GALNT13: variants seen among roughly 807,000 people sequenced by gnomAD.
GALNT13 encodes the protein UDP-GalNAc:polypeptide N-acetylgalactosaminyltransferase 13.
Under a neutral mutation model 64.2 loss-of-function variants are expected in GALNT13, and 28 were observed. The observed-to-expected ratio is 0.44, with a 90% CI of 0.32 to 0.60. The LOEUF is 0.60. Among genes scored for constraint, GALNT13 ranks in the 20% least tolerant of loss-of-function variants. The pLI is 0.05. For missense variants in GALNT13, 577 were observed against 669.8 expected (o/e 0.86, Z 1.53); for synonymous variants, 214 against 224.6 (o/e 0.95, Z 0.42).
chr2:153,137,951 C>T, the GALNT13 span, among the ~76,000 whole-genome samples: 1 of 152,042 alleles, frequency 6.6e-6, no homozygotes, highest in African/African-American at 2.4e-5. Flanking sequence ...CCAATGCGTA[C>T]TTCATGTACT....
At chr2:154,090,331 A>G (rs1292121365) in intron 3 of GALNT13, among the ~76,000 whole-genome samples, 1 of 152,108 alleles carries the variant, frequency 6.6e-6, no homozygotes, top group Admixed American at 6.6e-5. Context: ...CTCAATTTCT[A>G]TTTTATGAAA....
At chr2:153,306,448 T>C in the GALNT13 span, among the ~76,000 whole-genome samples, 1 of 152,218 alleles carries the variant, frequency 6.6e-6, no homozygotes, top group African/African-American at 2.4e-5. Flanking sequence ...ACAACTAGCA[T>C]CGAATTTCCA....
At chr2:154,050,327 TAAAGTGGAA>T (rs1204070342) in intron 3 of GALNT13, among the ~76,000 whole-genome samples, 2 of 152,196 alleles carry the variant, frequency 1.3e-5, no homozygotes, top group African/African-American at 4.8e-5. Flanking sequence ...AGTGAAGCAA[TAAAGTGGAA>T]ATGGTACTTT....
intron 9 of GALNT13, among the ~76,000 whole-genome samples, chr2:154,338,997 A>G (rs928698889): frequency 3.9e-5 from 6 of 152,168 alleles, no homozygotes; most frequent in Admixed American, 6.6e-5. Flanking sequence ...GCAGAGGTGC[A>G]TAATGCACTT....
At chr2:153,559,392 G>T in the GALNT13 span, among the ~76,000 whole-genome samples, 6 of 152,116 alleles carry the variant, frequency 3.9e-5, no homozygotes, top group African/African-American at 1.4e-4. Context: ...GAATCTTGTA[G>T]TCTGTCGAAT....
the GALNT13 span, among the ~76,000 whole-genome samples, chr2:153,723,786 T>C: frequency 1.3e-5 from 2 of 151,068 alleles, no homozygotes; most frequent in African/African-American, 4.9e-5. Context: ...TACAAACCAC[T>C]GCTCAAGGAA....
At chr2:153,770,180 A>G in the GALNT13 span, among the ~76,000 whole-genome samples, 1 of 22,154 alleles carries the variant, frequency 4.5e-5, no homozygotes, top group Non-Finnish European at 9.8e-5. Flanking sequence ...GCCCCCCCAC[A>G]CCCCGGCTTT....
chr2:153,349,694 A>G, the GALNT13 span, among the ~76,000 whole-genome samples: 1 of 152,096 alleles, frequency 6.6e-6, no homozygotes, highest in Non-Finnish European at 1.5e-5. Context: ...TCCTAGGAAA[A>G]GGAAGTTTTA....
the GALNT13 span, among the ~76,000 whole-genome samples, chr2:153,677,791 C>T: frequency 6.6e-6 from 1 of 152,048 alleles, no homozygotes; most frequent in African/African-American, 2.4e-5. Context: ...AAAGGACTTC[C>T]TATTCAATAA....
intron 9 of GALNT13, among the ~76,000 whole-genome samples, chr2:154,346,681 T>C (rs1227787829): frequency 6.6e-6 from 1 of 152,110 alleles, no homozygotes; most frequent in African/African-American, 2.4e-5. Context: ...CCTTTATAAA[T>C]TACCCAGTCT....
chr2:153,427,159 G>A, the GALNT13 span, among the ~76,000 whole-genome samples: 4 of 151,930 alleles, frequency 2.6e-5, no homozygotes, highest in Non-Finnish European at 1.5e-5. Context: ...TGACTAATTA[G>A]GTCCCATTTA....
intron 3 of GALNT13, among the ~76,000 whole-genome samples, chr2:154,092,101 A>G (rs1150138): frequency 7.2e-6 from 1 of 139,442 alleles, no homozygotes; most frequent in Non-Finnish European, 1.6e-5. Context: ...AAAAAAAAAA[A>G]GCTATAATTT....
At chr2:153,071,229 TTAAA>T in the GALNT13 span, among the ~76,000 whole-genome samples, 2 of 152,308 alleles carry the variant, frequency 1.3e-5, no homozygotes, top group Non-Finnish European at 2.9e-5. Flanking sequence ...ACACAAGGAA[TTAAA>T]TATTTTATAT....
intron 7 of GALNT13, among the ~76,000 whole-genome samples, chr2:154,254,124 A>G (rs1472130545): frequency 1.3e-5 from 2 of 152,170 alleles, no homozygotes; most frequent in African/African-American, 2.4e-5. Flanking sequence ...ATCAAATTTG[A>G]ACATATAAGG....
chr2:154,196,809 G>C (rs926067415), intron 4 of GALNT13, among the ~76,000 whole-genome samples: 2 of 152,154 alleles, frequency 1.3e-5, no homozygotes, highest in Non-Finnish European at 2.9e-5. Context: ...CCAAGAATTG[G>C]GTTCTACTAA....
the GALNT13 span, among the ~76,000 whole-genome samples, chr2:153,684,530 T>C: frequency 6.6e-6 from 1 of 151,788 alleles, no homozygotes; most frequent in Non-Finnish European, 1.5e-5. Context: ...TGTCAGGTGA[T>C]GTGAAATACC....
At chr2:153,402,937 CA>C in the GALNT13 span, among the ~76,000 whole-genome samples, 1 of 152,212 alleles carries the variant, frequency 6.6e-6, no homozygotes, top group Non-Finnish European at 1.5e-5. Flanking sequence ...TCGTCAAAGT[CA>C]TTCTCCATCC....
intron 9 of GALNT13, among the ~76,000 whole-genome samples, chr2:154,354,554 T>C (rs1294450379): frequency 6.6e-6 from 1 of 151,886 alleles, no homozygotes; most frequent in African/African-American, 2.4e-5. Context: ...GATCTTACAT[T>C]TAAGTCCTTT....
At chr2:153,256,486 C>T in the GALNT13 span, among the ~76,000 whole-genome samples, 1 of 152,180 alleles carries the variant, frequency 6.6e-6, no homozygotes, top group Non-Finnish European at 1.5e-5. Flanking sequence ...CATTCTCCGT[C>T]CAGCTTTGTT....
Sources: gnomAD v4.1 joint callset for allele counts (sites outside exome capture counted in the v4.1 genomes callset) on GRCh38, gnomAD v4.1.1 for gene constraint, MANE v1.5 for transcripts, NCBI Gene and HGNC (gene_info 2026-07-23, HGNC 2026-07-21) for gene names.